FBLN2: variants seen among roughly 807,000 people sequenced by gnomAD.
FBLN2 encodes fibulin-2.
FBLN2 carries 81 observed loss-of-function variants against 123.7 expected under a neutral mutation model. That is an observed-to-expected ratio of 0.65 (90% CI 0.55 to 0.79). FBLN2 has a LOEUF of 0.79. Ranked by LOEUF, FBLN2 falls within the 30% of genes least tolerant of loss-of-function variation. The probability of loss-of-function intolerance (pLI) is 0.00; values close to 1 mark genes in which losing one functional copy is unlikely to be tolerated. For synonymous variants in FBLN2, 699 were observed against 701.4 expected (o/e 1.00, Z 0.05); for missense variants, 1,603 against 1,681.3 (o/e 0.95, Z 0.81).
intron 15 of FBLN2, 109 bp downstream of exon 15, chr3:13,630,924 C>A: frequency 1.2e-6 from 1 of 847,326 alleles, no homozygotes. Context: ...GTTTTAGCAT[C>A]AGATCTGAGT....
At chr3:13,576,115 C>T (rs1475442395) in intron 2 of FBLN2, among the ~76,000 whole-genome samples, 3 of 152,328 alleles carry the variant, frequency 2.0e-5, no homozygotes, top group East Asian at 3.9e-4. Flanking sequence ...CCAGTTTCAC[C>T]CTCATTGCAT....
chr3:13,579,286 A>C (rs971314869), intron 2 of FBLN2, among the ~76,000 whole-genome samples: 7 of 152,254 alleles, frequency 4.6e-5, no homozygotes, highest in Non-Finnish European at 8.8e-5. Flanking sequence ...ACGCAAGCAC[A>C]CATCCCATTA....
Position 13,558,290 on chromosome 3 carries a change from T to G in FBLN2, c.-42+9082T>G, listed in dbSNP as rs546067722. On this transcript the variant is annotated intron_variant, in intron 1 of 17. Transcript: ENST00000404922. The stretch of plus-strand genomic sequence containing the variant: ...GCTTCTCTCCATCTCTGTCTTGGTC[T>G]CTTTCTGTCTCACTAATGGATCTCT... Among the ~76,000 whole-genome samples the G allele has an allele frequency of 2.6e-5, 4 of 152,204 alleles. No homozygotes were observed. In the South Asian group the frequency reaches 8.3e-4, roughly 32 times the overall value.
chr3:13,636,404 C>T, intron 16 of FBLN2, 41 bp from the exon 17 acceptor site: 1 of 1,606,858 alleles, frequency 6.2e-7, no homozygotes, highest in Non-Finnish European at 8.5e-7. Context: ...GCTGGGTCCC[C>T]CAGCTGTGGG....
chr3:13,565,310 C>G (rs1703712603), intron 1 of FBLN2, among the ~76,000 whole-genome samples: 1 of 152,248 alleles, frequency 6.6e-6, no homozygotes, highest in Admixed American at 6.5e-5. Context: ...GGAGCCTGCT[C>G]TTGTGTCTCC....
chr3:13,628,994 C>A lies in FBLN2; in HGVS notation c.2659C>A (p.Pro887Thr). Residue 887 changes from proline (P) to threonine (T), a missense_variant, in exon 12 of 18, where the codon CCG becomes ACG. Coordinates refer to ENST00000404922, the MANE Select transcript of FBLN2 (RefSeq NM_001004019.2). The stretch of plus-strand genomic sequence containing the variant: ...GGGCTCCTACACATGCCAGAGGAAC[C>A]CGCTGATCTGCGCGCGCGGCTACCA... Reference protein sequence around the residue: ...TVGSYTCQRNPLICARGYHAS... With the variant: ...TVGSYTCQRNTLICARGYHAS... 6.2e-7 allele frequency: 1 copy of A among 1,613,560 alleles called. No individual in the cohort carries two copies. The highest frequency in any genetic ancestry group is 8.5e-7 in the Non-Finnish European group (1 of 1,179,794).
In FBLN2 at chr3:13,621,872, C is replaced by G; in HGVS notation, c.2253C>G (p.Leu751=). 1 of 1,614,006 alleles carries G rather than the reference C, an allele frequency of 6.2e-7. No homozygotes were observed. Among genetic ancestry groups the G allele is most frequent in the Non-Finnish European group, 8.5e-7 (1 of 1,179,890 alleles). ...TCTACTGTGTCAACCACACAGTGCT[C>G]TGTGCCGATGGCTATATCCTCAATG... is the stretch of plus-strand genomic sequence containing the variant. ...GSFYCVNHTV[L]CADGYILNAH... The change falls in exon 9 of 18, where the codon CTC becomes CTG. Residue 751 remains leucine, a synonymous_variant. Transcript: ENST00000404922.
At chr3:13,613,438 A>G (rs752897196) in intron 4 of FBLN2, among the ~76,000 whole-genome samples, 8 of 152,180 alleles carry the variant, frequency 5.3e-5, no homozygotes, top group Non-Finnish European at 8.8e-5. Flanking sequence ...CATCTTTAGG[A>G]ACCTAGTCTT....
In FBLN2 at chr3:13,621,414, G is replaced by A. The variant is rs570689342; in HGVS notation, c.2156-361G>A. Reference sequence around the variant, plus strand: ...GGGCCCTTCCCTGGTTTATGTGGCTGGCCTGGTCCCCTAAGTACTGGACTT... The same window carrying A: ...GGGCCCTTCCCTGGTTTATGTGGCTAGCCTGGTCCCCTAAGTACTGGACTT... On this transcript the variant is annotated intron_variant, in intron 8 of 17. Transcript: ENST00000404922. 1.1e-3 allele frequency among the ~76,000 whole-genome samples: 160 copies of A among 152,264 alleles called. 1 individual carries two copies. The highest frequency in any genetic ancestry group is 1.2e-3 in the South Asian group (6 of 4,814).
intron 2 of FBLN2, among the ~76,000 whole-genome samples, chr3:13,601,801 G>A (rs1392291470): frequency 6.6e-6 from 1 of 152,168 alleles, no homozygotes; most frequent in African/African-American, 2.4e-5. Flanking sequence ...CTGTGAGAGG[G>A]TTATTTATTT....
chr3:13,615,379 C>T lies in FBLN2; in HGVS notation c.1729+1215C>T, dbSNP rs114316564. On this transcript the variant is annotated intron_variant, in intron 5 of 17. Coordinates refer to ENST00000404922, the MANE Select transcript of FBLN2 (RefSeq NM_001004019.2). ...CAGTTTTTTCGCTGTTCCTATGGAC[C>T]GTCATCTGGGGCCCCTGTGGATTTG... Among the ~76,000 whole-genome samples the T allele has an allele frequency of 6.6e-3, 1,003 of 152,310 alleles. 16 individuals carry two copies. The highest frequency in any genetic ancestry group is 0.023 in the African/African-American group (951 of 41,574).
At chr3:13,609,485 G>C (rs564983753) in intron 3 of FBLN2, 28 bp from the exon 4 acceptor site, 1 of 1,521,422 alleles carries the variant, frequency 6.6e-7, no homozygotes, top group Non-Finnish European at 8.8e-7. Context: ...GTGGGCGACT[G>C]GGGGCTAAGT....
intron 3 of FBLN2, among the ~76,000 whole-genome samples, 187 bp from the exon 4 acceptor site, chr3:13,609,326 C>A (rs1031053629): frequency 2.6e-5 from 4 of 152,214 alleles, no homozygotes; most frequent in African/African-American, 7.2e-5. Context: ...CCCAGGCCTG[C>A]ATCTGCATGG....
chr3:13,609,524 G>A lies in FBLN2; in HGVS notation c.1430G>A (p.Arg477Lys). ...TEDNVCRTAQ[R>K]HCCVSYLQEK... ...CCCCTCTGTTTCAGGACAGCCCAGA[G>A]GCACTGCTGTGTCTCCTACTTGCAG... The change falls in exon 4 of 18, where the codon AGG becomes AAG. Residue 477 changes from arginine (R) to lysine (K), a missense_variant. Arg to Lys is a conservative substitution (Grantham distance 26). Coordinates refer to ENST00000404922, the MANE Select transcript of FBLN2 (RefSeq NM_001004019.2). 1 of 1,550,326 alleles carries A rather than the reference G, an allele frequency of 6.5e-7. No homozygotes were observed. Among genetic ancestry groups the A allele is most frequent in the Non-Finnish European group, 8.7e-7 (1 of 1,146,636 alleles).
chr3:13,596,345 C>T (rs1704840557), intron 2 of FBLN2, among the ~76,000 whole-genome samples: 1 of 152,136 alleles, frequency 6.6e-6, no homozygotes, highest in Non-Finnish European at 1.5e-5. Context: ...CACTGTGTTA[C>T]CTAGGCTGGT....
intron 1 of FBLN2, 92 bp downstream of exon 1, chr3:13,549,300 C>A: frequency 1.2e-6 from 1 of 844,978 alleles, no homozygotes; most frequent in Non-Finnish European, 1.4e-6. Context: ...GCACCGACGG[C>A]TCGGCGGACC....
chr3:13,565,812 C>T (rs1703730792), intron 1 of FBLN2, among the ~76,000 whole-genome samples: 2 of 152,168 alleles, frequency 1.3e-5, no homozygotes, highest in Admixed American at 6.5e-5. Context: ...CTGGTACAGA[C>T]GTCTCTGAGT....
At chr3:13,555,586 CT>C (rs1174345115) in intron 1 of FBLN2, among the ~76,000 whole-genome samples, 1 of 152,150 alleles carries the variant, frequency 6.6e-6, no homozygotes. Context: ...TCCCGAGTAG[CT>C]GGGACTACAG....
intron 2 of FBLN2, among the ~76,000 whole-genome samples, chr3:13,598,582 G>A (rs68144737): frequency 0.14 from 21,800 of 152,124 alleles, 1,853 homozygotes; most frequent in East Asian, 0.35. Context: ...CTCTTTTTAC[G>A]CCTCTGGGGC....
Sources: allele counts gnomAD v4.1 joint callset (sites outside exome capture counted in the v4.1 genomes callset), GRCh38; gene constraint gnomAD v4.1.1; transcripts MANE v1.5; gene names NCBI Gene and HGNC (gene_info 2026-07-23, HGNC 2026-07-21).